The following LHX9 variants were observed in gnomAD, a reference collection of about 807,000 sequenced individuals.
LHX9 encodes the protein LIM homeobox 9.
Under a neutral mutation model 36.5 loss-of-function variants are expected in LHX9, and 9 were observed. That is an observed-to-expected ratio of 0.25 (90% confidence interval 0.15 to 0.43). LHX9 has a LOEUF of 0.43. LHX9 is among the 20% of genes least tolerant of loss of function. The pLI, the probability that LHX9 is intolerant of heterozygous loss-of-function variation, is 1.00. For synonymous variants in LHX9, 211 were observed against 212.1 expected, an observed-to-expected ratio of 0.99 and a Z score of 0.04; for missense variants, 464 against 526.4, an observed-to-expected ratio of 0.88 and a Z score of 1.16.
At chr1:197,918,134 C>T (rs573620696) in intron 1 of LHX9, 137 bp downstream of exon 1, 13 of 910,048 alleles carry the variant, frequency 1.4e-5, no homozygotes, top group African/African-American at 8.4e-5. Context: ...TGAGTTTTCT[C>T]CCGTCCACCT....
At chr1:197,928,219 C>A (rs1194335512) in intron 4 of LHX9, among the ~76,000 whole-genome samples, 3 of 152,192 alleles carry the variant, frequency 2.0e-5, no homozygotes, top group East Asian at 1.9e-4. Flanking sequence ...TCAGGTGGAA[C>A]CTTTTTTCCA....
intron 2 of LHX9, 82 bp downstream of exon 2, chr1:197,920,256 C>T (rs563590070): frequency 7.3e-7 from 1 of 1,375,748 alleles, no homozygotes; most frequent in Non-Finnish European, 1.0e-6. Context: ...CCTCTCCGTC[C>T]CCTACCTTTT....
Position 197,933,396 on chromosome 1 carries a change from T to C in LHX9, c.*4137T>C, listed in dbSNP as rs912650604. On this transcript the variant is annotated 3_prime_UTR_variant, in exon 5 of 5. Transcript: ENST00000367387. The stretch of plus-strand genomic sequence containing the variant: ...AAAAAAAGCAATGCACCATGACAAG[T>C]AGACTATTTTGAGTGATCACAAATC... 1 of 152,084 alleles carries C rather than the reference T, an allele frequency of 6.6e-6. No homozygotes were observed. Among genetic ancestry groups the C allele is most frequent in the Non-Finnish European group, 1.5e-5 (1 of 67,988 alleles). The allele number at this position is 152,084 out of a possible 1,614,324, so 9.4% of individuals were successfully genotyped here.
intron 2 of LHX9, among the ~76,000 whole-genome samples, chr1:197,920,931 T>G (rs1387246781): frequency 6.6e-6 from 1 of 152,212 alleles, no homozygotes; most frequent in East Asian, 1.9e-4. Context: ...ATATCTTCTT[T>G]CATTCATATG....
Position 197,921,547 on chromosome 1 carries a change from G to C in LHX9, c.621G>C (p.Lys207Asn). ...PQLSYTELAA[K>N]SGGLALPYFN... ...TGAGCTACACGGAGCTGGCGGCCAAGAGCGGCGGCCTGGCCCTGCCTTACT... is the reference window on the plus strand; with the variant it reads ...TGAGCTACACGGAGCTGGCGGCCAACAGCGGCGGCCTGGCCCTGCCTTACT... Residue 207 changes from lysine (K) to asparagine (N), a missense_variant, in exon 3 of 5, where the codon AAG becomes AAC. Physicochemically the swap from Lys to Asn is moderately conservative, Grantham distance 94 (BLOSUM62 0). Transcript: ENST00000367387. The surrounding 1 kb of genome is among the most constrained non-coding windows in gnomAD (Gnocchi z 4.6). 6.2e-7 allele frequency: 1 copy of C among 1,613,830 alleles called. No homozygotes were observed. Among genetic ancestry groups the C allele is most frequent in the South Asian group, 1.1e-5 (1 of 91,078 alleles).
upstream of LHX9, among the ~76,000 whole-genome samples, chr1:197,915,416 G>A (rs905144624): frequency 2.1e-4 from 32 of 152,162 alleles, no homozygotes; most frequent in African/African-American, 7.2e-4. Context: ...GCTGCCCCCA[G>A]CCCCTCCTCA....
intron 3 of LHX9, among the ~76,000 whole-genome samples, chr1:197,925,568 T>C (rs1232849317): frequency 6.6e-6 from 1 of 152,206 alleles, no homozygotes; most frequent in East Asian, 1.9e-4. Flanking sequence ...TTATGAAATA[T>C]GGCTGAGTTT....
Position 197,921,763 on chromosome 1 carries a change from C to A in LHX9, c.733+104C>A. On this transcript the variant is annotated intron_variant, in intron 3 of 4. Coordinates refer to ENST00000367387, the MANE Select transcript of LHX9 (RefSeq NM_020204.3). This position sits in a 1 kb window ranked among gnomAD's most constrained non-coding sequence, Gnocchi z 4.6. ...TCTTGCTGCAAGAGTGTGTTTTGCC[C>A]AATGCCTCTGTTCTCACTGCAACTC... 5.2e-6 allele frequency: 5 copies of A among 956,738 alleles called. No individual in the cohort carries two copies. The highest frequency in any genetic ancestry group is 7.6e-6 in the Non-Finnish European group (5 of 658,536). The allele number at this position is 956,738 out of a possible 1,614,324, so 59.3% of individuals were successfully genotyped here.
upstream of LHX9, chr1:197,912,852 A>C (rs947279454): frequency 2.1e-6 from 1 of 472,682 alleles, no homozygotes; most frequent in African/African-American, 2.0e-5. Flanking sequence ...CTGATCCTCC[A>C]GTAGTCAGTG....
Position 197,919,960 on chromosome 1 carries a change from C to A in LHX9, c.175-12C>A, listed in dbSNP as rs376736298. 3 of 1,613,476 alleles carry A rather than the reference C, an allele frequency of 1.9e-6. No individual in the cohort carries two copies. Among genetic ancestry groups the A allele is most frequent in the African/African-American group, 2.7e-5 (2 of 75,072 alleles). On this transcript the variant is annotated splice_polypyrimidine_tract_variant and intron_variant, in intron 1 of 4. Transcript: ENST00000367387. Reference sequence around the variant, plus strand: ...GCGCCCTCCTCAGCCTTGCGGTGTGCTTTCTTTGCAGGGCATGCCCCCGCT... The same window carrying A: ...GCGCCCTCCTCAGCCTTGCGGTGTGATTTCTTTGCAGGGCATGCCCCCGCT...
chr1:197,920,180 C>T lies in LHX9; in HGVS notation c.377+6C>T, dbSNP rs770191100. ...TGCAAGGAGGATTACTACAGGTACT[C>T]CCCTACACCCCCACTTCCTACGCCC... On this transcript the variant is annotated splice_donor_region_variant and intron_variant, in intron 2 of 4. Coordinates refer to ENST00000367387, the MANE Select transcript of LHX9 (RefSeq NM_020204.3). 1.2e-6 allele frequency: 2 copies of T among 1,613,520 alleles called. No homozygotes were observed. The highest frequency in any genetic ancestry group is 2.2e-5 in the South Asian group (2 of 91,072).
chr1:197,934,392 TAAAG>T lies in LHX9; in HGVS notation c.*5135_*5138del, dbSNP rs1305994476. 1 of 152,178 alleles carries T rather than the reference TAAAG, an allele frequency of 6.6e-6. No homozygotes were observed. Among genetic ancestry groups the T allele is most frequent in the Non-Finnish European group, 1.5e-5 (1 of 68,038 alleles). The allele number at this position is 152,178 out of a possible 1,614,324, so 9.4% of individuals were successfully genotyped here. A position where few individuals can be genotyped will look rare whatever the true frequency, so the allele number is the denominator to read the frequency against. ...TTGGAATCGTGTCATTCTAGGCTCTTAAAGAGAATATTAGGGATAATACTGTTGT... is the reference window on the plus strand; with the variant it reads ...TTGGAATCGTGTCATTCTAGGCTCTTAGAATATTAGGGATAATACTGTTGT... On this transcript the variant is annotated 3_prime_UTR_variant, in exon 5 of 5. Transcript: ENST00000367387.
chr1:197,921,678 C>G lies in LHX9; in HGVS notation c.733+19C>G. On this transcript the variant is annotated intron_variant, in intron 3 of 4. Coordinates refer to ENST00000367387, the MANE Select transcript of LHX9 (RefSeq NM_020204.3). The surrounding 1 kb of genome is among the most constrained non-coding windows in gnomAD (Gnocchi z 4.6). ...AACTCAGGTGTGCCTCCTATCCTCACCCCCGGCGCAGCCCCGGCCTCCCTG... is the reference window on the plus strand; with the variant it reads ...AACTCAGGTGTGCCTCCTATCCTCAGCCCCGGCGCAGCCCCGGCCTCCCTG... 6.5e-7 allele frequency: 1 copy of G among 1,535,356 alleles called. No individual in the cohort carries two copies. Among genetic ancestry groups the G allele is most frequent in the Non-Finnish European group, 8.7e-7 (1 of 1,143,036 alleles).
In LHX9 at chr1:197,921,228, CAAACCCAGGTGTCGCGGGT is replaced by C; in HGVS notation, c.378-75_378-57del. 7.6e-7 allele frequency: 1 copy of C among 1,312,912 alleles called. No individual in the cohort carries two copies. The highest frequency in any genetic ancestry group is 1.1e-6 in the Non-Finnish European group (1 of 945,466). 81.3% of individuals were successfully genotyped at this position (1,312,912 alleles called of 1,614,324 possible). ...GTCCCAGTCTCAGGCCACTGCAGAC[CAAACCCAGGTGTCGCGGGT>C]GGGATATGGCTCTGCCTTGCTTCAA... On this transcript the variant is annotated intron_variant, in intron 2 of 4. Coordinates refer to ENST00000367387, the MANE Select transcript of LHX9 (RefSeq NM_020204.3). The surrounding 1 kb of genome is among the most constrained non-coding windows in gnomAD (Gnocchi z 4.6).
intron 2 of LHX9, among the ~76,000 whole-genome samples, chr1:197,920,730 G>A (rs1023845626): frequency 2.0e-5 from 3 of 152,252 alleles, no homozygotes; most frequent in Admixed American, 1.3e-4. Context: ...AGCAGCAGGC[G>A]TCTTTATTGA....
rs1351053242 is a variant in LHX9, at chr1:197,929,229, C to T, written c.1164C>T (p.Pro388=). 6 of 1,532,606 alleles carry T rather than the reference C, an allele frequency of 3.9e-6. No homozygotes were observed. The highest frequency in any genetic ancestry group is 5.3e-6 in the Non-Finnish European group (6 of 1,136,688). The allele number at this position is 1,532,606 out of a possible 1,614,324, so 94.9% of individuals were successfully genotyped here. The change falls in exon 5 of 5, where the codon CCC becomes CCT. Residue 388 remains proline (P), a synonymous_variant. Coordinates refer to ENST00000367387, the MANE Select transcript of LHX9 (RefSeq NM_020204.3). ...SNMDSHESGS[P]SQTTLTNLF ...TGGACAGCCACGAATCCGGAAGCCC[C>T]TCACAAACTACCTTAACAAACCTTT...
At chr1:197,925,167 AGGGC>A (rs1660105387) in intron 3 of LHX9, among the ~76,000 whole-genome samples, 1 of 43,640 alleles carries the variant, frequency 2.3e-5, no homozygotes, top group Non-Finnish European at 4.2e-5. Flanking sequence ...ATGTGGAAAC[AGGGC>A]CTATAACTGT....
Position 197,917,638 on chromosome 1 carries a change from C to A in LHX9, c.-186C>A. 6.6e-7 allele frequency: 1 copy of A among 1,508,994 alleles called. No homozygotes were observed. Among genetic ancestry groups the A allele is most frequent in the South Asian group, 1.3e-5 (1 of 78,056 alleles). 93.5% of individuals were successfully genotyped at this position (1,508,994 alleles called of 1,614,324 possible). On this transcript the variant is annotated 5_prime_UTR_variant, in exon 1 of 5. Coordinates refer to ENST00000367387, the MANE Select transcript of LHX9 (RefSeq NM_020204.3). ...GAGCCGCTGAGGCTTCCCCCCAACT[C>A]TTCCCAGTTCTTTTTGCTTCCCCTC... is the stretch of plus-strand genomic sequence containing the variant.
chr1:197,913,319 G>A (rs1015758301), upstream of LHX9: 2 of 152,368 alleles, frequency 1.3e-5, no homozygotes, highest in African/African-American at 4.8e-5. Context: ...GTACCGCCCA[G>A]CGAAAGGCTG....
Sources: allele counts gnomAD v4.1 joint callset (sites outside exome capture counted in the v4.1 genomes callset), GRCh38; gene constraint gnomAD v4.1.1; non-coding constraint Gnocchi (gnomAD v3.1); transcripts MANE v1.5; gene names NCBI Gene and HGNC (gene_info 2026-07-23, HGNC 2026-07-21).